Variants in ADAR observed in about 807,000 individuals in gnomAD.
The protein encoded by ADAR is adenosine deaminase RNA specific, also known as double-stranded RNA-specific adenosine deaminase.
In ADAR, 41 loss-of-function variants were observed where a neutral mutation model predicts 113.2. The ratio of observed to expected loss-of-function variants is 0.36; its 90% CI spans 0.28 to 0.47. The LOEUF is 0.47. ADAR is among the 20% of genes least tolerant of loss of function. The probability of loss-of-function intolerance (pLI) is 1.00; values close to 1 mark genes in which losing one functional copy is unlikely to be tolerated. For missense variants in ADAR, 1,242 were observed against 1,540.9 expected (o/e 0.81, Z 3.25); for synonymous variants, 605 against 572.6 (o/e 1.06, Z -0.81).
At chr1:154,606,439 G>A (rs1698194358) in intron 1 of ADAR, among the ~76,000 whole-genome samples, 1 of 152,098 alleles carries the variant, frequency 6.6e-6, no homozygotes, top group Non-Finnish European at 1.5e-5. Context: ...AGAATAGTAT[G>A]TACATTATAA....
chr1:154,597,381 C>T (rs1697573123), intron 4 of ADAR, 114 bp from the exon 5 acceptor site: 2 of 1,271,534 alleles, frequency 1.6e-6, no homozygotes, highest in Non-Finnish European at 2.2e-6. Context: ...AACACATCAC[C>T]TCTGTGCAGT....
chr1:154,598,090 G>A, intron 3 of ADAR, 114 bp from the exon 4 acceptor site: 1 of 1,282,374 alleles, frequency 7.8e-7, no homozygotes, highest in Non-Finnish European at 1.1e-6. Context: ...CAAGGGGTTG[G>A]CTTCCCAAAG....
At chr1:154,627,933 C>G in exon 1 of ADAR, 1 of 514,430 alleles carries the variant, frequency 1.9e-6, no homozygotes, top group Non-Finnish European at 3.9e-6. Flanking sequence ...CCACCCTCCC[C>G]CACCACGTAG....
chr1:154,596,993 A>G lies in ADAR; in HGVS notation c.2082T>C (p.Pro694=), dbSNP rs1349730104. 8 of 1,614,182 alleles carry G rather than the reference A, an allele frequency of 5.0e-6. No homozygotes were observed. The highest frequency in any genetic ancestry group is 5.9e-6 in the Non-Finnish European group (7 of 1,180,010). The part of the protein sequence containing the change: ...ATNSMASDNQ[P]EGMISESLDN... The stretch of plus-strand genomic sequence containing the variant: ...CAAGTGACTCTGAGATCATACCTTC[A>G]GGCTAAAGGAGAATCCATCAAACAG... Residue 694 remains proline, a splice_region_variant and synonymous_variant, in exon 6 of 15, where the codon CCT becomes CCC. Coordinates refer to ENST00000368474, the MANE Select transcript of ADAR (RefSeq NM_001111.5).
intron 1 of ADAR, among the ~76,000 whole-genome samples, chr1:154,614,471 C>T (rs1236096582): frequency 2.0e-5 from 3 of 152,218 alleles, no homozygotes; most frequent in Admixed American, 6.5e-5. Flanking sequence ...AGAGCAATGC[C>T]CCTATCTCCA....
chr1:154,584,562 T>C lies in ADAR; in HGVS notation c.*244A>G. ...GTATGCTTTGGGTAGAAAGAAAAGA[T>C]AACTTCTTAGGTTTCTGCCTCTTCA... is the stretch of plus-strand genomic sequence containing the variant. On this transcript the variant is annotated 3_prime_UTR_variant, in exon 15 of 15. Coordinates refer to ENST00000368474, the MANE Select transcript of ADAR (RefSeq NM_001111.5). The C allele has an allele frequency of 1.9e-6, 1 of 516,844 alleles. No individual in the cohort carries two copies. Among genetic ancestry groups the C allele is most frequent in the Non-Finnish European group, 3.4e-6 (1 of 290,892 alleles). 32.0% of individuals were successfully genotyped at this position (516,844 alleles called of 1,614,324 possible). A position where few individuals can be genotyped will look rare whatever the true frequency, so the allele number is the denominator to read the frequency against.
intron 10 of ADAR, 129 bp from the exon 11 acceptor site, chr1:154,588,387 A>G: frequency 3.3e-6 from 5 of 1,499,248 alleles, no homozygotes; most frequent in Admixed American, 1.7e-5. Context: ...CTGGAGGTGG[A>G]CAGCAGTACA....
At chr1:154,585,086 G>A (rs574813263) in intron 14 of ADAR, 43 bp from the exon 15 acceptor site, 7 of 1,612,166 alleles carry the variant, frequency 4.3e-6, no homozygotes, top group East Asian at 2.2e-5. Context: ...GGACCTGTAA[G>A]ATAAGGAGCT....
chr1:154,606,280 C>T (rs926550952), intron 1 of ADAR, among the ~76,000 whole-genome samples: 14 of 152,062 alleles, frequency 9.2e-5, no homozygotes, highest in Non-Finnish European at 1.3e-4. Flanking sequence ...GATCCGCCCT[C>T]CTCGGCCTCC....
Position 154,588,053 on chromosome 1 carries a change from T to C in ADAR, c.3019+72A>G, listed in dbSNP as rs1696879481. Reference sequence around the variant, plus strand: ...GACTAATGGTAAAATCCTAGCAGCCTTGTAGAGACTTGGGGTCCCTGGACC... The same window carrying C: ...GACTAATGGTAAAATCCTAGCAGCCCTGTAGAGACTTGGGGTCCCTGGACC... On this transcript the variant is annotated intron_variant, in intron 11 of 14. Coordinates refer to ENST00000368474, the MANE Select transcript of ADAR (RefSeq NM_001111.5). 6 of 1,603,006 alleles carry C rather than the reference T, an allele frequency of 3.7e-6. No individual in the cohort carries two copies. The Admixed American group carries it at 6.7e-5, about 18-fold the overall frequency.
chr1:154,625,613 C>T (rs1341792194), intron 1 of ADAR, among the ~76,000 whole-genome samples: 2 of 152,170 alleles, frequency 1.3e-5, no homozygotes, highest in South Asian at 2.1e-4. Flanking sequence ...AATCCCATCA[C>T]TCTGGGAGGC....
chr1:154,605,577 G>C (rs1331724855), intron 1 of ADAR, among the ~76,000 whole-genome samples: 1 of 152,014 alleles, frequency 6.6e-6, no homozygotes. Flanking sequence ...ATTCCATGGT[G>C]AGCTCTTGGG....
chr1:154,608,090 C>T lies in ADAR; in HGVS notation c.-84G>A. The T allele has an allele frequency of 6.9e-7, 1 of 1,458,544 alleles. No homozygotes were observed. The highest frequency in any genetic ancestry group is 1.4e-5 in the South Asian group (1 of 70,672). 90.4% of individuals were successfully genotyped at this position (1,458,544 alleles called of 1,614,324 possible). ...CTGGGCCGCGCCAGCCCCTCGAGGC[C>T]CCCACGCCTCCGCTACTCCGCACTG... On this transcript the variant is annotated 5_prime_UTR_variant, in exon 1 of 15. Coordinates refer to ENST00000368474, the MANE Select transcript of ADAR (RefSeq NM_001111.5).
chr1:154,586,118 G>A, intron 12 of ADAR, 63 bp downstream of exon 12: 1 of 1,590,962 alleles, frequency 6.3e-7, no homozygotes, highest in Non-Finnish European at 8.6e-7. Flanking sequence ...AATAAAGCAT[G>A]CAGTTTGGGA....
In ADAR at chr1:154,597,888, T is replaced by C; in HGVS notation, c.1874A>G (p.Lys625Arg). 1.2e-6 allele frequency: 2 copies of C among 1,614,126 alleles called. No homozygotes were observed. The highest frequency in any genetic ancestry group is 1.1e-5 in the South Asian group (1 of 91,078). Residue 625 changes from lysine (K) to arginine (R), a missense_variant, in exon 4 of 15, where the codon AAA (lysine) becomes AGA (arginine). Around this residue, in one of 2 missense-constraint regions of ADAR, gnomAD observed 780 missense variants for 1,057.9 expected, o/e 0.74. Transcript: ENST00000368474. ...ACGGAATTCGCAGGAGTTCCCCAATTTGTGCATACACTCAAGCAGTGTGGT... is the reference window on the plus strand; with the variant it reads ...ACGGAATTCGCAGGAGTTCCCCAATCTGTGCATACACTCAAGCAGTGTGGT... ...PVTTLLECMH[K>R]LGNSCEFRLL...
At chr1:154,588,976 A>T (rs898859661) in intron 9 of ADAR, among the ~76,000 whole-genome samples, 1 of 152,218 alleles carries the variant, frequency 6.6e-6, no homozygotes, top group Non-Finnish European at 1.5e-5. Flanking sequence ...CTCCCTTCAT[A>T]AATTAAAGAA....
chr1:154,610,846 A>G (rs1698466473), upstream of ADAR, among the ~76,000 whole-genome samples: 1 of 149,416 alleles, frequency 6.7e-6, no homozygotes, highest in African/African-American at 2.5e-5. Context: ...AAAAAAGACA[A>G]AATTGTGGTT....
upstream of ADAR, chr1:154,608,187 A>G (rs1400704303): frequency 4.2e-6 from 3 of 709,512 alleles, no homozygotes; most frequent in African/African-American, 5.8e-5. Context: ...GCTCCGGTTC[A>G]ATTTCGCTTT....
At position 154,585,282 on chromosome 1, in the gene ADAR, G is replaced by T; in HGVS notation, c.3378C>A (p.Val1126=). 1 of 1,614,164 alleles carries T rather than the reference G, an allele frequency of 6.2e-7. No individual in the cohort carries two copies. Among genetic ancestry groups the T allele is most frequent in the South Asian group, 1.1e-5 (1 of 91,066 alleles). ...RQSGKTKETS[V]NWCLADGYDL... is the part of the protein sequence containing the mutation. ...CATAGCCATCAGCCAGACACCAGTT[G>T]ACGCTTGTCTCCTTAGTCTTCCCGG... Residue 1126 remains valine (V), a synonymous_variant, in exon 14 of 15, where the codon GTC becomes GTA. Coordinates refer to ENST00000368474, the MANE Select transcript of ADAR (RefSeq NM_001111.5).
Sources: gnomAD v4.1 joint callset for allele counts (sites outside exome capture counted in the v4.1 genomes callset) on GRCh38, gnomAD v4.1.1 for gene constraint, gnomAD v4.1.1 regional missense constraint, MANE v1.5 for transcripts, NCBI Gene and HGNC (gene_info 2026-07-23, HGNC 2026-07-21) for gene names.